The following HCN1 variants were observed in gnomAD, a reference collection of about 807,000 sequenced individuals.
HCN1 encodes the protein potassium/sodium hyperpolarization-activated cyclic nucleotide-gated channel 1.
Under a neutral mutation model 78.9 loss-of-function variants are expected in HCN1, and 13 were observed. That is an observed-to-expected ratio of 0.16 (90% CI 0.11 to 0.26). HCN1 has a LOEUF of 0.26. Ranked by LOEUF, HCN1 falls within the 10% of genes least tolerant of loss-of-function variation. The pLI is 1.00. For synonymous variants in HCN1, 552 were observed against 455.5 expected, an observed-to-expected ratio of 1.21 and a Z score of -2.70; for missense variants, 810 against 1,154.3, an observed-to-expected ratio of 0.70 and a Z score of 4.32.
chr5:45,498,225 A>G (rs1166908501), intron 2 of HCN1, among the ~76,000 whole-genome samples: 4 of 152,086 alleles, frequency 2.6e-5, no homozygotes, highest in Non-Finnish European at 4.4e-5. Flanking sequence ...AGGTACACCA[A>G]TCAGATGTAG....
intron 3 of HCN1, among the ~76,000 whole-genome samples, chr5:45,401,018 A>C (rs879873531): frequency 6.6e-6 from 1 of 152,020 alleles, no homozygotes; most frequent in Non-Finnish European, 1.5e-5. Flanking sequence ...TAATTCAGTC[A>C]TTTTTTCCAT....
In HCN1 at chr5:45,324,801, A is replaced by T. The variant is rs115756690; in HGVS notation, c.1378-20962T>A. ...TCTGGGAAAGTTATCTGCAATTATAATCTCTACGCTGACTACACGAAATTT... is the reference window on the plus strand; with the variant it reads ...TCTGGGAAAGTTATCTGCAATTATATTCTCTACGCTGACTACACGAAATTT... On this transcript the variant is annotated intron_variant, in intron 5 of 7. Transcript: ENST00000303230. Among the ~76,000 whole-genome samples, 1,055 of 151,882 alleles carry T rather than the reference A, an allele frequency of 6.9e-3. 16 individuals are homozygous for T. Among genetic ancestry groups the T allele is most frequent in the African/African-American group, 0.024 (1,003 of 41,484 alleles).
intron 5 of HCN1, among the ~76,000 whole-genome samples, chr5:45,349,880 C>T (rs1338776955): frequency 6.6e-6 from 1 of 152,074 alleles, no homozygotes; most frequent in Non-Finnish European, 1.5e-5. Context: ...TGGCAATAAT[C>T]AATAGCTTAC....
intron 5 of HCN1, among the ~76,000 whole-genome samples, chr5:45,316,595 A>G (rs967882200): frequency 6.6e-6 from 1 of 152,156 alleles, no homozygotes; most frequent in Non-Finnish European, 1.5e-5. Flanking sequence ...AATAAAGGGT[A>G]TTCAATTACA....
intron 5 of HCN1, among the ~76,000 whole-genome samples, chr5:45,307,265 C>A (rs1296735308): frequency 1.3e-5 from 2 of 152,018 alleles, no homozygotes; most frequent in African/African-American, 4.8e-5. Context: ...TGTTTAAATT[C>A]CAAATAATTT....
intron 2 of HCN1, among the ~76,000 whole-genome samples, chr5:45,561,051 A>G (rs113616345): frequency 0.017 from 2,527 of 152,166 alleles, 65 homozygotes; most frequent in African/African-American, 0.057. Context: ...GCCTTTCTTT[A>G]ACAAATTTTT....
intron 6 of HCN1, among the ~76,000 whole-genome samples, chr5:45,294,150 G>A (rs536890113): frequency 1.3e-5 from 2 of 151,972 alleles, no homozygotes; most frequent in South Asian, 4.2e-4. Context: ...TAGAAGTAGA[G>A]TAAATTGCCA....
At chr5:45,428,631 A>G (rs1487401655) in intron 3 of HCN1, among the ~76,000 whole-genome samples, 1 of 152,062 alleles carries the variant, frequency 6.6e-6, no homozygotes, top group Admixed American at 6.6e-5. Flanking sequence ...TTTTATATTA[A>G]ACATTTAGTA....
intron 2 of HCN1, among the ~76,000 whole-genome samples, chr5:45,497,176 C>G (rs1404835516): frequency 1.3e-5 from 2 of 152,134 alleles, no homozygotes; most frequent in Admixed American, 1.3e-4. Flanking sequence ...AATGTATATT[C>G]TGTTGATTTG....
At chr5:45,433,528 A>C (rs1579891490) in intron 3 of HCN1, among the ~76,000 whole-genome samples, 1 of 151,796 alleles carries the variant, frequency 6.6e-6, no homozygotes, top group Non-Finnish European at 1.5e-5. Flanking sequence ...TCTTTATCCA[A>C]CTTGGCACTC....
At chr5:45,644,223 G>A (rs975245943) in intron 2 of HCN1, 4 of 152,114 alleles carry the variant, frequency 2.6e-5, no homozygotes, top group Admixed American at 6.6e-5. Flanking sequence ...ATATTCTATA[G>A]CCAGTATATG....
At chr5:45,549,850 C>A (rs1443270766) in intron 2 of HCN1, among the ~76,000 whole-genome samples, 1 of 152,170 alleles carries the variant, frequency 6.6e-6, no homozygotes, top group Non-Finnish European at 1.5e-5. Context: ...TACGAACAGA[C>A]ACTTCTCAAA....
chr5:45,354,231 G>A (rs943164566), intron 4 of HCN1, among the ~76,000 whole-genome samples: 2 of 151,840 alleles, frequency 1.3e-5, no homozygotes, highest in African/African-American at 4.8e-5. Context: ...CACGTGCATA[G>A]ATATACACCT....
chr5:45,337,250 A>C (rs552761430), intron 5 of HCN1, among the ~76,000 whole-genome samples: 56 of 152,214 alleles, frequency 3.7e-4, no homozygotes, highest in African/African-American at 1.3e-3. Flanking sequence ...AAAGTTAAAA[A>C]GAAACTATTT....
rs567214715 is a variant in HCN1 at position 45,672,677 on chromosome 5, TA to T, written c.425+22991del. ...TAATTCAGAAATGCAAATGATGTCATAAAAAATAAGAAAAAAATGTTATGCA... is the reference window on the plus strand; with the variant it reads ...TAATTCAGAAATGCAAATGATGTCATAAAAATAAGAAAAAAATGTTATGCA... On this transcript the variant is annotated intron_variant, in intron 1 of 7. Coordinates refer to ENST00000303230, the MANE Select transcript of HCN1 (RefSeq NM_021072.4). 2.8e-3 allele frequency among the ~76,000 whole-genome samples: 417 copies of T among 151,432 alleles called. 1 individual carries two copies. The highest frequency in any genetic ancestry group is 3.9e-3 in the Non-Finnish European group (262 of 67,592).
At chr5:45,695,632 C>T (rs781440615) in intron 1 of HCN1, 37 bp downstream of exon 1, 1 of 1,602,190 alleles carries the variant, frequency 6.2e-7, no homozygotes, top group South Asian at 1.1e-5. Context: ...CAGGGCGCGC[C>T]TGAAGGGAGG....
chr5:45,292,238 T>TAAC (rs560479484), intron 6 of HCN1, among the ~76,000 whole-genome samples: 94 of 152,126 alleles, frequency 6.2e-4, no homozygotes, highest in African/African-American at 2.1e-3. Context: ...TTACAATTGA[T>TAAC]AACTATTTTG....
At chr5:45,545,864 T>C (rs558389355) in intron 2 of HCN1, among the ~76,000 whole-genome samples, 1 of 152,198 alleles carries the variant, frequency 6.6e-6, no homozygotes, top group East Asian at 1.9e-4. Flanking sequence ...TTGGACTTCC[T>C]ACTGTAATAT....
chr5:45,631,092 G>C (rs1395903719), intron 2 of HCN1, among the ~76,000 whole-genome samples: 1 of 152,164 alleles, frequency 6.6e-6, no homozygotes, highest in Non-Finnish European at 1.5e-5. Flanking sequence ...AACCTGGTTG[G>C]TGATTTTATT....
Sources: gnomAD v4.1 joint callset for allele counts (sites outside exome capture counted in the v4.1 genomes callset) on GRCh38, gnomAD v4.1.1 for gene constraint, MANE v1.5 for transcripts, NCBI Gene and HGNC (gene_info 2026-07-23, HGNC 2026-07-21) for gene names.